Variants in CUBN observed in about 807,000 individuals in gnomAD.
CUBN encodes cubilin.
A neutral mutation model predicts 405.3 loss-of-function variants in CUBN; 282 were observed. The ratio of observed to expected loss-of-function variants is 0.70; its 90% confidence interval spans 0.63 to 0.77. CUBN has a LOEUF of 0.77. Among genes scored for constraint, CUBN ranks in the 30% least tolerant of loss-of-function variants. CUBN has a pLI of 0.00. For missense variants in CUBN, 4,514 were observed against 4,475.2 expected (o/e 1.01, Z -0.25); for synonymous variants, 1,684 against 1,617.0 (o/e 1.04, Z -0.99).
chr10:16,917,536 T>G (rs944093520), intron 45 of CUBN, among the ~76,000 whole-genome samples: 15 of 152,324 alleles, frequency 9.8e-5, no homozygotes, highest in African/African-American at 3.4e-4. Context: ...CACCTATTTT[T>G]GGGCCTCTGT....
At chr10:17,127,575 C>G (rs780771126) in intron 3 of CUBN, among the ~76,000 whole-genome samples, 1 of 151,824 alleles carries the variant, frequency 6.6e-6, no homozygotes, top group Non-Finnish European at 1.5e-5. Flanking sequence ...ATTAATCATC[C>G]ATTCACTTGC....
intron 55 of CUBN, among the ~76,000 whole-genome samples, chr10:16,889,740 A>C (rs1353397157): frequency 1.5e-5 from 2 of 135,686 alleles, no homozygotes; most frequent in East Asian, 2.0e-4. Flanking sequence ...CTAAAAATAC[A>C]AAAAAAAAAA....
intron 28 of CUBN, among the ~76,000 whole-genome samples, chr10:17,005,661 T>C (rs1471921719): frequency 3.9e-5 from 6 of 152,234 alleles, no homozygotes; most frequent in African/African-American, 1.4e-4. Context: ...CTAGCTATTT[T>C]TTTCTGTGTT....
intron 17 of CUBN, among the ~76,000 whole-genome samples, chr10:17,083,643 CAGG>C (rs1172877958): frequency 1.3e-5 from 2 of 152,062 alleles, no homozygotes; most frequent in Non-Finnish European, 2.9e-5. Flanking sequence ...AAGAAGAGGA[CAGG>C]AGGTCACATA....
chr10:17,033,703 T>G (rs1834830473), intron 27 of CUBN, among the ~76,000 whole-genome samples: 1 of 152,200 alleles, frequency 6.6e-6, no homozygotes, highest in Admixed American at 6.5e-5. Context: ...GCAAATTGAC[T>G]TCCCCTTCCT....
In CUBN at chr10:16,997,946, G is replaced by C. The variant is rs555994586; in HGVS notation, c.4169-7431C>G. 5.8e-4 allele frequency among the ~76,000 whole-genome samples: 88 copies of C among 152,240 alleles called. 1 individual carries two copies. Among genetic ancestry groups the C allele is most frequent in the Middle Eastern group, 3.4e-3 (1 of 294 alleles). On this transcript the variant is annotated intron_variant, in intron 28 of 66. Transcript: ENST00000377833. ...CATGTGCAGATGGATTTTTCTGAGG[G>C]ATTTAGTCAGATAGCATGTATTCTG...
At chr10:16,987,897 C>A (rs895473221) in intron 29 of CUBN, among the ~76,000 whole-genome samples, 1 of 152,172 alleles carries the variant, frequency 6.6e-6, no homozygotes, top group Non-Finnish European at 1.5e-5. Context: ...TATTTAAGAG[C>A]CTCAGAACAG....
intron 31 of CUBN, among the ~76,000 whole-genome samples, chr10:16,978,445 G>T (rs1156250305): frequency 6.6e-6 from 1 of 152,242 alleles, no homozygotes; most frequent in Non-Finnish European, 1.5e-5. Context: ...CTTTCAGTCT[G>T]CATGATGCTT....
intron 62 of CUBN, among the ~76,000 whole-genome samples, chr10:16,837,119 C>G (rs900604977): frequency 1.3e-5 from 2 of 151,986 alleles, no homozygotes; most frequent in Admixed American, 1.3e-4. Context: ...CCCACTGTCT[C>G]CTGCTCTTGG....
chr10:16,920,184 T>C, intron 43 of CUBN, 47 bp from the exon 44 acceptor site: 1 of 1,573,994 alleles, frequency 6.4e-7, no homozygotes, highest in South Asian at 1.1e-5. Context: ...GTGAAGGGGA[T>C]GCAGTCAATG....
intron 22 of CUBN, among the ~76,000 whole-genome samples, chr10:17,051,833 C>A (rs978532528): frequency 6.6e-6 from 1 of 151,310 alleles, no homozygotes; most frequent in East Asian, 1.9e-4. Flanking sequence ...AACACACATA[C>A]AATTAGAGAA....
At chr10:17,034,998 T>C (rs764047237) in intron 27 of CUBN, among the ~76,000 whole-genome samples, 2 of 151,744 alleles carry the variant, frequency 1.3e-5, no homozygotes, top group Non-Finnish European at 2.9e-5. Flanking sequence ...TTGCCTTAAC[T>C]TAGAGCCTGT....
At chr10:16,856,730 T>C (rs1839879851) in intron 59 of CUBN, among the ~76,000 whole-genome samples, 1 of 152,166 alleles carries the variant, frequency 6.6e-6, no homozygotes, top group South Asian at 2.1e-4. Context: ...TGACCACTAC[T>C]GAGAAGGTGC....
chr10:17,027,450 C>A (rs934151717), intron 27 of CUBN, among the ~76,000 whole-genome samples: 1 of 152,058 alleles, frequency 6.6e-6, no homozygotes. Flanking sequence ...ATACAAGGAG[C>A]GATGACAGGA....
intron 17 of CUBN, among the ~76,000 whole-genome samples, chr10:17,076,187 G>C (rs944728550): frequency 4.6e-5 from 7 of 152,130 alleles, no homozygotes; most frequent in African/African-American, 1.7e-4. Flanking sequence ...TTAACAAGGA[G>C]AAAGGCAGCT....
At chr10:16,869,924 C>CAAAAAA in intron 58 of CUBN, 71 bp from the exon 59 acceptor site, 1 of 1,136,764 alleles carries the variant, frequency 8.8e-7, no homozygotes, top group African/African-American at 1.6e-5. Context: ...TTAGCTCTTG[C>CAAAAAA]AAAAAAAATG....
At chr10:16,862,201 C>CA in intron 59 of CUBN, among the ~76,000 whole-genome samples, 5 of 143,826 alleles carry the variant, frequency 3.5e-5, no homozygotes, top group African/African-American at 1.3e-4. Flanking sequence ...CACATCACAT[C>CA]CCTGGGTATT....
intron 58 of CUBN, among the ~76,000 whole-genome samples, chr10:16,874,032 T>C (rs1840431828): frequency 6.6e-6 from 1 of 152,204 alleles, no homozygotes; most frequent in Non-Finnish European, 1.5e-5. Flanking sequence ...ACCCAACACA[T>C]GGCAACTGCT....
chr10:16,916,032 T>A lies in CUBN; in HGVS notation c.7001-2A>T, dbSNP rs2131458620. 6.2e-7 allele frequency: 1 copy of A among 1,611,374 alleles called. No individual in the cohort carries two copies. Among genetic ancestry groups the A allele is most frequent in the Non-Finnish European group, 8.5e-7 (1 of 1,178,874 alleles). ...CTGGTACTCTTCCCCCACACTGAGC[T>A]GCAAAAAATAAAAATAAATAAATAA... is the stretch of plus-strand genomic sequence containing the variant. On this transcript the variant is annotated splice_acceptor_variant, in intron 45 of 66. Transcript: ENST00000377833. LOFTEE classifies it high-confidence loss of function.
Sources: allele counts gnomAD v4.1 joint callset (sites outside exome capture counted in the v4.1 genomes callset), GRCh38; gene constraint gnomAD v4.1.1; transcripts MANE v1.5; gene names NCBI Gene and HGNC (gene_info 2026-07-23, HGNC 2026-07-21).